Variants in NFRKB observed in about 807,000 individuals in gnomAD.
The protein encoded by NFRKB is nuclear factor related to kappaB binding protein, also known as nuclear factor related to kappa-B-binding protein.
A neutral mutation model predicts 135.7 loss-of-function variants in NFRKB; 62 were observed. The ratio of observed to expected loss-of-function variants is 0.46; its 90% CI spans 0.37 to 0.56. The LOEUF is 0.56. Ranked by LOEUF, NFRKB falls within the 20% of genes least tolerant of loss-of-function variation. NFRKB has a pLI of 0.00. For missense variants in NFRKB, 1,545 were observed against 1,662.0 expected, an observed-to-expected ratio of 0.93 and a Z score of 1.22; for synonymous variants, 678 against 635.6, an observed-to-expected ratio of 1.07 and a Z score of -1.00.
Position 129,877,404 on chromosome 11 carries a change from T to A in NFRKB, c.1512-19A>T. ...AGTTCTTCTGGAATATAAAGAATTC[T>A]GTATCAACCCTGACAGCTGGCACGT... On this transcript the variant is annotated intron_variant, in intron 15 of 26. Transcript: ENST00000682444. 6.2e-7 allele frequency: 1 copy of A among 1,613,474 alleles called. No homozygotes were observed. Among genetic ancestry groups the A allele is most frequent in the Non-Finnish European group, 8.5e-7 (1 of 1,179,412 alleles).
rs143136179 is a variant in NFRKB at position 129,869,915 on chromosome 11, G to C, written c.3110C>G (p.Thr1037Arg). Residue 1037 changes from threonine (T) to arginine (R), a missense_variant, in exon 24 of 27, where the codon ACA (threonine) becomes AGA (arginine). Thr to Arg is a moderately conservative substitution (Grantham distance 71). This residue lies in a region of NFRKB where 753 missense variants were observed against 804.3 expected (regional missense o/e 0.94). Coordinates refer to ENST00000682444, the MANE Select transcript of NFRKB (RefSeq NM_001143835.2). The part of the protein sequence containing the change: ...SSASAPSSTP[T>R]GTTVVKVTPD... ...AGTCACTTTGACCACAGTGGTACCT[G>C]TTGGAGTGGATGAAGGGGCACTGGC... 3.0e-5 allele frequency: 49 copies of C among 1,614,160 alleles called. No individual in the cohort carries two copies.
In NFRKB at chr11:129,874,143, G is replaced by A; in HGVS notation, c.2249C>T (p.Thr750Ile). The change falls in exon 21 of 27, where the codon ACA (threonine) becomes ATA (isoleucine). Residue 750 changes from threonine (T) to isoleucine (I), a missense_variant. Around this residue, in one of 3 missense-constraint regions of NFRKB, gnomAD observed 753 missense variants for 804.3 expected, o/e 0.94. Transcript: ENST00000682444. This position sits in a 1 kb window ranked among gnomAD's most constrained non-coding sequence, Gnocchi z 4.5. ...VSAVNKSGPSTVSEPAKSSSG... is the reference protein window; with the variant it reads ...VSAVNKSGPSIVSEPAKSSSG... ...GCTAGACTTAGCTGGTTCTGAGACT[G>A]TGGAAGGGCCGCTTTTGTTCACTGC... The A allele has an allele frequency of 6.5e-7, 1 of 1,529,300 alleles. No individual in the cohort carries two copies. The highest frequency in any genetic ancestry group is 8.8e-7 in the Non-Finnish European group (1 of 1,139,766). 94.7% of individuals were successfully genotyped at this position (1,529,300 alleles called of 1,614,324 possible).
At position 129,883,973 on chromosome 11, in the gene NFRKB, T is replaced by C. The variant is rs576692026; in HGVS notation, c.816+97A>G. The C allele has an allele frequency of 1.8e-4, 230 of 1,263,658 alleles. No individual in the cohort carries two copies. The African/African-American group carries it at 2.9e-3, about 16-fold the overall frequency. The allele number at this position is 1,263,658 out of a possible 1,614,324, so 78.3% of individuals were successfully genotyped here. A position where few individuals can be genotyped will look rare whatever the true frequency, so the allele number is the denominator to read the frequency against. ...TGTGCCCACAGTGGTAGGGAGGACA[T>C]ACAGACGAGGCAGTGATGCCCCGTG... On this transcript the variant is annotated intron_variant, in intron 8 of 26. Coordinates refer to ENST00000682444, the MANE Select transcript of NFRKB (RefSeq NM_001143835.2).
intron 13 of NFRKB, 60 bp from the exon 14 acceptor site, chr11:129,878,603 G>C: frequency 7.3e-7 from 1 of 1,373,098 alleles, no homozygotes; most frequent in Non-Finnish European, 1.0e-6. Flanking sequence ...TGAGAATCCT[G>C]CTTTCTCTTT....
Position 129,865,883 on chromosome 11 carries a change from C to T in NFRKB, c.3632G>A (p.Gly1211Glu), listed in dbSNP as rs566760090. The T allele has an allele frequency of 1.9e-6, 3 of 1,614,052 alleles. No individual in the cohort carries two copies. The highest frequency in any genetic ancestry group is 2.5e-6 in the Non-Finnish European group (3 of 1,180,004). The change falls in exon 25 of 27, where the codon GGA becomes GAA. Residue 1211 changes from glycine to glutamate, a missense_variant. Gly to Glu is a moderately conservative substitution (Grantham distance 98). This residue lies in a region of NFRKB where 753 missense variants were observed against 804.3 expected (regional missense o/e 0.94). Coordinates refer to ENST00000682444, the MANE Select transcript of NFRKB (RefSeq NM_001143835.2). ...VTAPIIKGNLGANLSGLGRNI... is the reference protein window; with the variant it reads ...VTAPIIKGNLEANLSGLGRNI... ...ACCATGACATAGTACTTACTTGGCTCCAAGGTTGCCTTTGATGATGGGGGC... is the reference window on the plus strand; with the variant it reads ...ACCATGACATAGTACTTACTTGGCTTCAAGGTTGCCTTTGATGATGGGGGC...
At chr11:129,884,673 C>CT in intron 7 of NFRKB, 72 bp downstream of exon 7, 5 of 1,552,420 alleles carry the variant, frequency 3.2e-6, no homozygotes, top group Non-Finnish European at 4.4e-6. Context: ...CCCCACCCAC[C>CT]TCCCTCTAAA....
At chr11:129,887,209 C>G (rs1302620910) in intron 4 of NFRKB, among the ~76,000 whole-genome samples, 6 of 152,134 alleles carry the variant, frequency 3.9e-5, no homozygotes, top group African/African-American at 7.2e-5. Flanking sequence ...ATTTTGCAAC[C>G]CCCAATATAG....
At chr11:129,881,406 C>T (rs772321400) in intron 13 of NFRKB, 37 bp downstream of exon 13, 29 of 1,605,528 alleles carry the variant, frequency 1.8e-5, no homozygotes, top group Admixed American at 6.7e-5. Flanking sequence ...AATGGGAGAA[C>T]GAAAACCTGT....
intron 13 of NFRKB, among the ~76,000 whole-genome samples, chr11:129,880,681 T>C (rs925883112): frequency 6.6e-6 from 1 of 152,146 alleles, no homozygotes; most frequent in African/African-American, 2.4e-5. Flanking sequence ...ATTTTGTCAT[T>C]AAATCTAAGT....
rs954149408 is a variant in NFRKB at position 129,875,045 on chromosome 11, G to A, written c.1855-129C>T. 119 of 1,186,470 alleles carry A rather than the reference G, an allele frequency of 1.0e-4. No individual in the cohort carries two copies. The African/African-American group carries it at 1.4e-3, about 14-fold the overall frequency. The allele number at this position is 1,186,470 out of a possible 1,614,324, so 73.5% of individuals were successfully genotyped here. ...GCAGATTCTATCTCAGCCTAGCTGC[G>A]TATTCCCAATAGTTCCCCAAATCGT... On this transcript the variant is annotated intron_variant, in intron 18 of 26. Coordinates refer to ENST00000682444, the MANE Select transcript of NFRKB (RefSeq NM_001143835.2).
intron 23 of NFRKB, among the ~76,000 whole-genome samples, chr11:129,870,592 G>A (rs1032559299): frequency 3.3e-5 from 5 of 151,870 alleles, no homozygotes; most frequent in South Asian, 2.1e-4. Context: ...TTTTTGAGAC[G>A]GGGTCTTGCT....
rs758913161 is a variant in NFRKB, at chr11:129,884,745, C to T, written c.742G>A (p.Asp248Asn). Residue 248 changes from aspartate (D) to asparagine (N), a missense_variant and splice_region_variant, in exon 7 of 27, where the codon GAT becomes AAT. This residue lies in a region of NFRKB where 678 missense variants were observed against 646.7 expected (regional missense o/e 1.05). Transcript: ENST00000682444. ...TLSTTDMKTA[D>N]KVELGDSDLK... ...GTGACAGCGGCAGCTTGGTTCTCACCTGCAGTTTTCATATCCGTGGTTGAA... is the reference window on the plus strand; with the variant it reads ...GTGACAGCGGCAGCTTGGTTCTCACTTGCAGTTTTCATATCCGTGGTTGAA... 7.4e-6 allele frequency: 12 copies of T among 1,613,586 alleles called. No homozygotes were observed. Among genetic ancestry groups the T allele is most frequent in the Admixed American group, 1.7e-5 (1 of 60,008 alleles).
At chr11:129,865,164 A>G in intron 25 of NFRKB, 63 bp from the exon 26 acceptor site, 1 of 1,567,548 alleles carries the variant, frequency 6.4e-7, no homozygotes, top group South Asian at 1.2e-5. Flanking sequence ...GCCCAGATTT[A>G]GGCCATGTAT....
Position 129,865,919 on chromosome 11 carries a change from C to G in NFRKB, c.3596G>C (p.Ser1199Thr). ...TTTGATGATGGGGGCTGTGACCACGCTCTTGCCCTTCATTGGCTGGCTGAT... is the reference window on the plus strand; with the variant it reads ...TTTGATGATGGGGGCTGTGACCACGGTCTTGCCCTTCATTGGCTGGCTGAT... ...SVISQPMKGK[S>T]VVTAPIIKGN... The change falls in exon 25 of 27, where the codon AGC becomes ACC. Residue 1199 changes from serine (S) to threonine (T), a missense_variant. Ser to Thr is a moderately conservative substitution (Grantham distance 58, BLOSUM62 1). Transcript: ENST00000682444. The G allele has an allele frequency of 6.2e-7, 1 of 1,613,970 alleles. No homozygotes were observed.
At position 129,869,549 on chromosome 11, in the gene NFRKB, G is replaced by A; in HGVS notation, c.3476C>T (p.Ala1159Val). 1 of 1,613,958 alleles carries A rather than the reference G, an allele frequency of 6.2e-7. No individual in the cohort carries two copies. The highest frequency in any genetic ancestry group is 8.5e-7 in the Non-Finnish European group (1 of 1,180,036). Reference sequence around the variant, plus strand: ...GACAGGGACCTGCCGCACGGTGGGGGCTCCTGTGCTGATGCTGATGGGGGT... The same window carrying A: ...GACAGGGACCTGCCGCACGGTGGGGACTCCTGTGCTGATGCTGATGGGGGT... Reference protein sequence around the residue: ...ASTPISISTGAPTVRQVPVST... With the variant: ...ASTPISISTGVPTVRQVPVST... The change falls in exon 24 of 27, where the codon GCC (alanine) becomes GTC (valine). Residue 1159 changes from alanine (A) to valine (V), a missense_variant. By Grantham distance (64) the Ala-to-Val change is moderately conservative. Coordinates refer to ENST00000682444, the MANE Select transcript of NFRKB (RefSeq NM_001143835.2).
chr11:129,870,800 T>C (rs1245019589), intron 23 of NFRKB, among the ~76,000 whole-genome samples: 1 of 152,088 alleles, frequency 6.6e-6, no homozygotes, highest in African/African-American at 2.4e-5. Context: ...AGGGACTTCG[T>C]CTCTCTGTGG....
At position 129,877,380 on chromosome 11, in the gene NFRKB, G is replaced by C; in HGVS notation, c.1517C>G (p.Thr506Ser). The change falls in exon 16 of 27, where the codon ACT becomes AGT. Residue 506 changes from threonine (T) to serine (S), a missense_variant. By Grantham distance (58) the Thr-to-Ser change is moderately conservative (BLOSUM62 1). Around this residue, in one of 3 missense-constraint regions of NFRKB, gnomAD observed 678 missense variants for 646.7 expected, o/e 1.05. Coordinates refer to ENST00000682444, the MANE Select transcript of NFRKB (RefSeq NM_001143835.2). ...CGTGCTGGGACGCACCACATAGTCA[G>C]TTCTTCTGGAATATAAAGAATTCTG... ...DATTPVPRVRTDYVVRPSTGE... is the reference protein window; with the variant it reads ...DATTPVPRVRSDYVVRPSTGE... 6.2e-7 allele frequency: 1 copy of C among 1,614,152 alleles called. No homozygotes were observed. The highest frequency in any genetic ancestry group is 8.5e-7 in the Non-Finnish European group (1 of 1,180,016).
intron 2 of NFRKB, chr11:129,893,389 CAAAAAAA>C (rs375172554): frequency 7.3e-4 from 85 of 115,868 alleles, no homozygotes; most frequent in Admixed American, 3.1e-3. Flanking sequence ...CCCTTCTCTA[CAAAAAAA>C]AAAAAAAAAA....
At chr11:129,886,541 G>A (rs1022861243) in intron 4 of NFRKB, 97 bp from the exon 5 acceptor site, 39 of 1,147,242 alleles carry the variant, frequency 3.4e-5, no homozygotes, top group Middle Eastern at 5.0e-4. Flanking sequence ...GGTAAACTCT[G>A]TACCACAAAA....
Sources: allele counts gnomAD v4.1 joint callset (sites outside exome capture counted in the v4.1 genomes callset), GRCh38; gene constraint gnomAD v4.1.1; regional missense constraint gnomAD v4.1.1; non-coding constraint Gnocchi (gnomAD v3.1); transcripts MANE v1.5; gene names NCBI Gene and HGNC (gene_info 2026-07-23, HGNC 2026-07-21).